The following MACROD2 variants were observed in gnomAD, a reference collection of about 807,000 sequenced individuals.
MACROD2 encodes the protein mono-ADP ribosylhydrolase 2.
MACROD2 carries 36 observed loss-of-function variants against 70.4 expected under a neutral mutation model. The ratio of observed to expected loss-of-function variants is 0.51; its 90% CI spans 0.39 to 0.68. The LOEUF (loss-of-function observed/expected upper bound fraction) is 0.68, where lower values mean the gene tolerates loss of function less well. Among genes scored for constraint, MACROD2 ranks in the 30% least tolerant of loss-of-function variants. The pLI, the probability that MACROD2 is intolerant of heterozygous loss-of-function variation, is 0.00. For missense variants in MACROD2, 496 were observed against 538.4 expected (o/e 0.92, Z 0.78); for synonymous variants, 172 against 178.8 (o/e 0.96, Z 0.30).
intron 5 of MACROD2, among the ~76,000 whole-genome samples, chr20:14,982,721 T>G (rs2074812514): frequency 6.6e-6 from 1 of 152,076 alleles, no homozygotes; most frequent in Non-Finnish European, 1.5e-5. Context: ...TTTCAGAAGA[T>G]GTATAGAAAT....
At chr20:14,089,859 A>G in intron 3 of MACROD2, among the ~76,000 whole-genome samples, 1 of 152,350 alleles carries the variant, frequency 6.6e-6, no homozygotes, top group East Asian at 1.9e-4. Context: ...ATATAGCTAT[A>G]GTACAATATC....
rs77209268 is a variant in MACROD2, at chr20:15,349,903, G to A, written c.541-81502G>A. On this transcript the variant is annotated intron_variant, in intron 6 of 17. Transcript: ENST00000684519. ...TTGGGGGGACCTCATCTTGGCTGGA[G>A]CGAGATGTTATAAGGCAGTGTCCAT... Among the ~76,000 whole-genome samples the A allele has an allele frequency of 5.2e-4, 79 of 152,244 alleles. 1 individual carries two copies. The East Asian group carries it at 0.015, about 29-fold the overall frequency.
intron 4 of MACROD2, among the ~76,000 whole-genome samples, chr20:14,572,381 G>T (rs1450752737): frequency 6.6e-6 from 1 of 152,020 alleles, no homozygotes; most frequent in Non-Finnish European, 1.5e-5. Context: ...AGCTACTAAA[G>T]CTGAACATAT....
intron 8 of MACROD2, among the ~76,000 whole-genome samples, chr20:15,857,965 C>A (rs2064376707): frequency 6.6e-6 from 1 of 152,068 alleles, no homozygotes; most frequent in Admixed American, 6.6e-5. Flanking sequence ...TTTGTATAGT[C>A]CAAGCCACTC....
chr20:15,483,898 T>C (rs1216492068), intron 7 of MACROD2, among the ~76,000 whole-genome samples: 1 of 152,098 alleles, frequency 6.6e-6, no homozygotes. Context: ...GTTTGACTTT[T>C]GTATATTAAC....
At chr20:15,301,211 C>A (rs1016696472) in intron 6 of MACROD2, among the ~76,000 whole-genome samples, 2 of 152,170 alleles carry the variant, frequency 1.3e-5, no homozygotes, top group African/African-American at 4.8e-5. Context: ...TTCTAGGGGG[C>A]ACAGTGGAAA....
At chr20:14,301,216 A>T (rs1410971193) in intron 3 of MACROD2, among the ~76,000 whole-genome samples, 4 of 152,206 alleles carry the variant, frequency 2.6e-5, no homozygotes, top group African/African-American at 7.2e-5. Flanking sequence ...CCACTATGTC[A>T]TGCTGCCTCT....
intron 4 of MACROD2, among the ~76,000 whole-genome samples, chr20:14,670,249 A>G (rs2070779651): frequency 6.6e-6 from 1 of 152,134 alleles, no homozygotes; most frequent in Non-Finnish European, 1.5e-5. Context: ...GAAATACCAG[A>G]AAAATATGAT....
chr20:15,311,763 TC>T (rs1731335560), intron 6 of MACROD2, among the ~76,000 whole-genome samples: 1 of 151,856 alleles, frequency 6.6e-6, no homozygotes, highest in Admixed American at 6.6e-5. Context: ...GATGACACAA[TC>T]GACACTGGGG....
intron 7 of MACROD2, among the ~76,000 whole-genome samples, chr20:15,485,540 A>C (rs1443874889): frequency 6.6e-6 from 1 of 152,030 alleles, no homozygotes; most frequent in Non-Finnish European, 1.5e-5. Context: ...TCCTTATTCT[A>C]CCACAAACTT....
chr20:14,411,125 A>C (rs2083744412), intron 3 of MACROD2, among the ~76,000 whole-genome samples: 1 of 152,036 alleles, frequency 6.6e-6, no homozygotes. Flanking sequence ...TCCCTGGGGG[A>C]ATTGCCAGGA....
intron 4 of MACROD2, among the ~76,000 whole-genome samples, chr20:14,597,827 A>G (rs1982243283): frequency 6.6e-6 from 1 of 152,146 alleles, no homozygotes; most frequent in South Asian, 2.1e-4. Context: ...GTTTGCAATA[A>G]TTAAACAATA....
At chr20:14,776,729 G>A (rs1246691351) in intron 5 of MACROD2, among the ~76,000 whole-genome samples, 1 of 151,900 alleles carries the variant, frequency 6.6e-6, no homozygotes, top group Non-Finnish European at 1.5e-5. Context: ...ATACATATTG[G>A]AATGTGCAAG....
intron 8 of MACROD2, among the ~76,000 whole-genome samples, chr20:15,695,996 A>T (rs906894866): frequency 6.6e-6 from 1 of 152,172 alleles, no homozygotes; most frequent in African/African-American, 2.4e-5. Flanking sequence ...AAACAGTGAC[A>T]GTTTGACTTC....
At chr20:14,115,083 A>T (rs1292040412) in intron 3 of MACROD2, among the ~76,000 whole-genome samples, 1 of 152,132 alleles carries the variant, frequency 6.6e-6, no homozygotes, top group Non-Finnish European at 1.5e-5. Flanking sequence ...AAAGAAAAAA[A>T]TGGTAGGGCA....
intron 3 of MACROD2, among the ~76,000 whole-genome samples, chr20:14,139,056 A>G (rs1321400959): frequency 6.6e-6 from 1 of 152,210 alleles, no homozygotes; most frequent in African/African-American, 2.4e-5. Flanking sequence ...GAAAGGAAGA[A>G]AATACCTTTT....
intron 5 of MACROD2, among the ~76,000 whole-genome samples, chr20:15,116,489 A>C (rs1601095290): frequency 6.6e-6 from 1 of 152,030 alleles, no homozygotes; most frequent in East Asian, 1.9e-4. Flanking sequence ...CTAAAAATAC[A>C]AAAAAATTAG....
intron 5 of MACROD2, among the ~76,000 whole-genome samples, chr20:14,743,850 GTCT>G (rs2071765030): frequency 6.6e-6 from 1 of 152,114 alleles, no homozygotes; most frequent in African/African-American, 2.4e-5. Flanking sequence ...ACTGGATGTA[GTCT>G]TAACAGTCTT....
intron 8 of MACROD2, among the ~76,000 whole-genome samples, chr20:15,797,018 T>C (rs2063679829): frequency 6.6e-6 from 1 of 152,242 alleles, no homozygotes; most frequent in Admixed American, 6.5e-5. Context: ...TTGTTGTCCT[T>C]GATTTAGGTG....
Sources: gnomAD v4.1 joint callset for allele counts (sites outside exome capture counted in the v4.1 genomes callset) on GRCh38, gnomAD v4.1.1 for gene constraint, MANE v1.5 for transcripts, NCBI Gene and HGNC (gene_info 2026-07-23, HGNC 2026-07-21) for gene names.